Variants in KCNH7 observed in about 807,000 individuals in gnomAD.
The protein encoded by KCNH7 is voltage-gated inwardly rectifying potassium channel KCNH7.
A neutral mutation model predicts 120.8 loss-of-function variants in KCNH7; 49 were observed. That is an observed-to-expected ratio of 0.41 (90% CI 0.32 to 0.51). KCNH7 has a LOEUF of 0.51. Among genes scored for constraint, KCNH7 ranks in the 20% least tolerant of loss-of-function variants. The pLI is 0.38. For synonymous variants in KCNH7, 547 were observed against 516.1 expected (o/e 1.06, Z -0.81); for missense variants, 1,097 against 1,446.6 (o/e 0.76, Z 3.92).
At chr2:162,381,107 A>G (rs890066280) in intron 13 of KCNH7, among the ~76,000 whole-genome samples, 2 of 151,978 alleles carry the variant, frequency 1.3e-5, no homozygotes, top group Admixed American at 1.3e-4. Context: ...AAGGAGAAAC[A>G]TTTTTCTTCA....
intron 2 of KCNH7, among the ~76,000 whole-genome samples, chr2:162,628,212 G>A (rs895075082): frequency 6.6e-6 from 1 of 152,060 alleles, no homozygotes; most frequent in Non-Finnish European, 1.5e-5. Context: ...TTTGAAATAT[G>A]CCCTAAAATG....
chr2:162,710,615 C>T (rs962115389), intron 2 of KCNH7, among the ~76,000 whole-genome samples: 10 of 152,076 alleles, frequency 6.6e-5, no homozygotes, highest in East Asian at 1.9e-4. Context: ...CAAAAGCCTT[C>T]GGGGAAAGTT....
intron 2 of KCNH7, among the ~76,000 whole-genome samples, chr2:162,820,025 T>C (rs1037898796): frequency 1.3e-5 from 2 of 148,210 alleles, no homozygotes; most frequent in Non-Finnish European, 3.0e-5. Context: ...ATTTCTTTAT[T>C]CCATAAACTT....
chr2:162,756,178 C>A (rs912618013), intron 2 of KCNH7, among the ~76,000 whole-genome samples: 3 of 152,108 alleles, frequency 2.0e-5, no homozygotes, highest in Admixed American at 6.6e-5. Context: ...TTGTATAAAT[C>A]TTTCATTCGA....
chr2:162,496,698 A>G (rs1690510350), intron 6 of KCNH7, among the ~76,000 whole-genome samples: 1 of 152,202 alleles, frequency 6.6e-6, no homozygotes, highest in Non-Finnish European at 1.5e-5. Context: ...TTTTGTTTTT[A>G]GTAATTTCAA....
chr2:162,374,065 C>A (rs1686069266), intron 14 of KCNH7, among the ~76,000 whole-genome samples: 2 of 152,162 alleles, frequency 1.3e-5, no homozygotes, highest in Non-Finnish European at 2.9e-5. Flanking sequence ...TAGCACATTT[C>A]TTTCATAACT....
intron 9 of KCNH7, among the ~76,000 whole-genome samples, chr2:162,422,131 C>T (rs1687725828): frequency 6.6e-6 from 1 of 152,116 alleles, no homozygotes; most frequent in Non-Finnish European, 1.5e-5. Context: ...GAAAAGTGTT[C>T]ATTTGATTAG....
chr2:162,480,727 G>A (rs1023051009), intron 6 of KCNH7, among the ~76,000 whole-genome samples: 1 of 152,104 alleles, frequency 6.6e-6, no homozygotes, highest in African/African-American at 2.4e-5. Context: ...AGAACATTGG[G>A]CCAGTTTATC....
At chr2:162,597,781 A>G (rs1451045633) in intron 2 of KCNH7, among the ~76,000 whole-genome samples, 2 of 152,128 alleles carry the variant, frequency 1.3e-5, no homozygotes, top group Non-Finnish European at 2.9e-5. Flanking sequence ...CAATGTATAC[A>G]TGCACTGGAA....
At chr2:162,776,230 C>T (rs1031073073) in intron 2 of KCNH7, among the ~76,000 whole-genome samples, 3 of 152,136 alleles carry the variant, frequency 2.0e-5, no homozygotes, top group Non-Finnish European at 4.4e-5. Context: ...TCTCTACCTA[C>T]ATGTAGCCTC....
chr2:162,811,944 A>G lies in KCNH7; in HGVS notation c.307+24593T>C, dbSNP rs118042129. 4.5e-3 allele frequency among the ~76,000 whole-genome samples: 688 copies of G among 152,306 alleles called. 9 individuals carry two copies. Among genetic ancestry groups the G allele is most frequent in the East Asian group, 0.04 (208 of 5,176 alleles). On this transcript the variant is annotated intron_variant, in intron 2 of 15. Coordinates refer to ENST00000332142, the MANE Select transcript of KCNH7 (RefSeq NM_033272.4). ...GGCCTCTTCAAACCATAGGGTCATG[A>G]CAGGAATTCAATATGGGGGCTCATG...
At chr2:162,395,257 A>G (rs1388695015) in intron 11 of KCNH7, among the ~76,000 whole-genome samples, 1 of 151,792 alleles carries the variant, frequency 6.6e-6, no homozygotes, top group Non-Finnish European at 1.5e-5. Flanking sequence ...TCAAAAGTCA[A>G]TTGTAGTAAT....
At chr2:162,423,606 A>G (rs1325527199) in intron 8 of KCNH7, 71 bp from the exon 9 acceptor site, 1 of 1,363,780 alleles carries the variant, frequency 7.3e-7, no homozygotes, top group African/African-American at 1.4e-5. Context: ...TAGAGTATCA[A>G]GCATGTGGAT....
At chr2:162,423,673 TTAAAC>T in intron 8 of KCNH7, 138 bp from the exon 9 acceptor site, 1 of 756,302 alleles carries the variant, frequency 1.3e-6, no homozygotes, top group Non-Finnish European at 2.1e-6. Flanking sequence ...AAAAAAGAAG[TTAAAC>T]TAAAACTGCT....
chr2:162,507,159 A>G (rs578206517), intron 5 of KCNH7, among the ~76,000 whole-genome samples: 1 of 151,888 alleles, frequency 6.6e-6, no homozygotes, highest in South Asian at 2.1e-4. Flanking sequence ...TATGTCACTT[A>G]GAGCTACACT....
chr2:162,387,645 C>T (rs1686613917), intron 12 of KCNH7, among the ~76,000 whole-genome samples: 1 of 151,610 alleles, frequency 6.6e-6, no homozygotes, highest in Admixed American at 6.6e-5. Flanking sequence ...AGATGAAAAA[C>T]TTTTTTTCTC....
chr2:162,599,789 A>G (rs1468104363), intron 2 of KCNH7, among the ~76,000 whole-genome samples: 1 of 152,084 alleles, frequency 6.6e-6, no homozygotes, highest in East Asian at 1.9e-4. Context: ...CATTTTATAA[A>G]GTCCAAATTA....
chr2:162,805,966 G>A (rs1284306311), intron 2 of KCNH7, among the ~76,000 whole-genome samples: 1 of 152,116 alleles, frequency 6.6e-6, no homozygotes. Flanking sequence ...ATTACTCTAC[G>A]TGAAGTAACT....
intron 3 of KCNH7, chr2:162,528,432 A>T (rs768421142): frequency 1.3e-5 from 2 of 152,014 alleles, no homozygotes; most frequent in African/African-American, 2.4e-5. Context: ...CATGTGGGTG[A>T]GTTAAGAATG....
Sources: allele counts gnomAD v4.1 joint callset (sites outside exome capture counted in the v4.1 genomes callset), GRCh38; gene constraint gnomAD v4.1.1; transcripts MANE v1.5; gene names NCBI Gene and HGNC (gene_info 2026-07-23, HGNC 2026-07-21).